NELL1: variants seen among roughly 807,000 people sequenced by gnomAD.
NELL1 encodes the protein neural EGFL like 1.
In NELL1, 76 loss-of-function variants were observed where a neutral mutation model predicts 107.4. That is an observed-to-expected ratio of 0.71 (90% CI 0.59 to 0.86). The LOEUF (loss-of-function observed/expected upper bound fraction) is 0.86, where lower values mean the gene tolerates loss of function less well. Ranked by LOEUF, NELL1 falls within the 40% of genes least tolerant of loss-of-function variation. The pLI, the probability that NELL1 is intolerant of heterozygous loss-of-function variation, is 0.00. For synonymous variants in NELL1, 353 were observed against 341.2 expected, an observed-to-expected ratio of 1.03 and a Z score of -0.38; for missense variants, 1,024 against 1,005.5, an observed-to-expected ratio of 1.02 and a Z score of -0.25.
At chr11:21,548,833 C>G (rs562993701) in intron 16 of NELL1, among the ~76,000 whole-genome samples, 33 of 151,156 alleles carry the variant, frequency 2.2e-4, no homozygotes, top group African/African-American at 7.5e-4. Context: ...GTGGCTGGCC[C>G]AGGGCAAGTT....
intron 12 of NELL1, among the ~76,000 whole-genome samples, chr11:20,978,098 A>G (rs891290433): frequency 6.6e-6 from 1 of 152,222 alleles, no homozygotes; most frequent in Non-Finnish European, 1.5e-5. Flanking sequence ...CTTTGATTCT[A>G]CAATCCTAGT....
intron 2 of NELL1, among the ~76,000 whole-genome samples, chr11:20,699,710 A>G (rs1390542887): frequency 2.0e-5 from 3 of 152,064 alleles, no homozygotes; most frequent in African/African-American, 4.8e-5. Flanking sequence ...CTGGCTCCAT[A>G]TTTTTGCAAT....
In NELL1 at chr11:20,794,358, C is replaced by G. The variant is rs540314342; in HGVS notation, c.335+10528C>G. On this transcript the variant is annotated intron_variant, in intron 3 of 19. Transcript: ENST00000357134. ...AATAGGGGTTTCTCCAGGTAATAATCTCAAGCACATAGTATGCACTCAATA... is the reference window on the plus strand; with the variant it reads ...AATAGGGGTTTCTCCAGGTAATAATGTCAAGCACATAGTATGCACTCAATA... 3.9e-5 allele frequency among the ~76,000 whole-genome samples: 6 copies of G among 152,306 alleles called. No homozygotes were observed. The East Asian group carries it at 1.2e-3, about 29-fold the overall frequency.
intron 12 of NELL1, among the ~76,000 whole-genome samples, chr11:21,013,792 G>A (rs945499217): frequency 6.6e-6 from 1 of 151,976 alleles, no homozygotes; most frequent in Non-Finnish European, 1.5e-5. Flanking sequence ...TTTGCCTATT[G>A]TCCTTTATCT....
At chr11:20,672,356 C>T (rs1853935312) in intron 1 of NELL1, among the ~76,000 whole-genome samples, 1 of 152,188 alleles carries the variant, frequency 6.6e-6, no homozygotes, top group South Asian at 2.1e-4. Flanking sequence ...ACATGTGGTT[C>T]ACTTAGTGAG....
intron 13 of NELL1, among the ~76,000 whole-genome samples, chr11:21,180,101 C>T (rs1335610779): frequency 1.3e-5 from 2 of 151,246 alleles, no homozygotes; most frequent in Admixed American, 6.6e-5. Flanking sequence ...GGATTTGCCC[C>T]CCATGCCATA....
intron 13 of NELL1, among the ~76,000 whole-genome samples, chr11:21,206,134 A>C (rs900126907): frequency 3.9e-5 from 6 of 152,140 alleles, no homozygotes; most frequent in Admixed American, 3.9e-4. Context: ...TTCTCTGACA[A>C]TTTTGGAGAT....
chr11:21,071,030 A>G (rs1450181429), intron 12 of NELL1, among the ~76,000 whole-genome samples: 1 of 152,170 alleles, frequency 6.6e-6, no homozygotes, highest in East Asian at 1.9e-4. Context: ...CCTACTTCAT[A>G]TAGTCCAGGT....
intron 11 of NELL1, among the ~76,000 whole-genome samples, chr11:20,960,162 A>C (rs1851261131): frequency 6.6e-6 from 1 of 152,128 alleles, no homozygotes; most frequent in African/African-American, 2.4e-5. Flanking sequence ...ATGTAGTGAG[A>C]AGAGGATGCA....
At chr11:20,724,495 C>T (rs1855464839) in intron 2 of NELL1, among the ~76,000 whole-genome samples, 1 of 152,156 alleles carries the variant, frequency 6.6e-6, no homozygotes, top group Non-Finnish European at 1.5e-5. Context: ...AGCTGAAAGT[C>T]CCATAGATTC....
chr11:20,814,692 A>G (rs756838193), intron 3 of NELL1, among the ~76,000 whole-genome samples: 15 of 152,122 alleles, frequency 9.9e-5, no homozygotes, highest in Non-Finnish European at 2.1e-4. Context: ...TTCTTTATCC[A>G]GTCCACTGTT....
chr11:20,960,498 A>C lies in NELL1; in HGVS notation c.1238A>C (p.Lys413Thr). The change falls in exon 12 of 20, where the codon AAA (lysine) becomes ACA (threonine). Residue 413 changes from lysine to threonine, a missense_variant. Physicochemically the swap from Lys to Thr is moderately conservative, Grantham distance 78. Transcript: ENST00000357134. ...TCAGAGTGCAAAAACTGGAATACAA[A>C]AGCTACTTGTGAGTGCAAGAGTGGT... ...ENSECKNWNTKATCECKSGYI... is the reference protein window; with the variant it reads ...ENSECKNWNTTATCECKSGYI... 6.2e-7 allele frequency: 1 copy of C among 1,614,016 alleles called. No homozygotes were observed. The highest frequency in any genetic ancestry group is 2.2e-5 in the East Asian group (1 of 44,870).
At chr11:21,563,900 G>A (rs1214159979) in intron 17 of NELL1, among the ~76,000 whole-genome samples, 1 of 152,016 alleles carries the variant, frequency 6.6e-6, no homozygotes, top group African/African-American at 2.4e-5. Context: ...TCCCAAACAA[G>A]AGGGAACTGT....
rs76151433 is a variant in NELL1 at position 21,509,738 on chromosome 11, C to T, written c.1646-24636C>T. ...ATGTCATCAGATAGACATGAAAAGA[C>T]GTCTTTGATTACTTAGTAATTATTT... On this transcript the variant is annotated intron_variant, in intron 15 of 19. Coordinates refer to ENST00000357134, the MANE Select transcript of NELL1 (RefSeq NM_006157.5). Among the ~76,000 whole-genome samples, 2,120 of 152,000 alleles carry T rather than the reference C, an allele frequency of 0.014. 143 individuals carry two copies. In the East Asian group the frequency reaches 0.23, roughly 16 times the overall value.
chr11:21,251,125 T>C (rs1858626897), intron 14 of NELL1, among the ~76,000 whole-genome samples: 1 of 152,194 alleles, frequency 6.6e-6, no homozygotes, highest in African/African-American at 2.4e-5. Context: ...TTTTGAGATA[T>C]ACTGAGACTT....
chr11:21,433,995 T>C (rs755223194), intron 15 of NELL1, among the ~76,000 whole-genome samples: 3 of 152,210 alleles, frequency 2.0e-5, no homozygotes, highest in Admixed American at 6.5e-5. Context: ...ATGTCTTATT[T>C]TGAAACATGT....
At chr11:20,941,071 G>A (rs185927875) in intron 10 of NELL1, among the ~76,000 whole-genome samples, 10 of 152,184 alleles carry the variant, frequency 6.6e-5, no homozygotes, top group South Asian at 6.2e-4. Flanking sequence ...CCCGGGAGGC[G>A]GAGGTTGCAG....
intron 4 of NELL1, among the ~76,000 whole-genome samples, chr11:20,854,685 T>A (rs1449603013): frequency 1.5e-5 from 2 of 130,120 alleles, no homozygotes; most frequent in Non-Finnish European, 3.2e-5. Flanking sequence ...TCCTGAGTTC[T>A]CTGCCTCAGA....
chr11:21,108,011 G>A (rs908382446), intron 12 of NELL1, among the ~76,000 whole-genome samples: 5 of 152,142 alleles, frequency 3.3e-5, no homozygotes, highest in African/African-American at 9.7e-5. Context: ...CGTAGTATCC[G>A]ATGTCAATCC....
Sources: gnomAD v4.1 joint callset for allele counts (sites outside exome capture counted in the v4.1 genomes callset) on GRCh38, gnomAD v4.1.1 for gene constraint, MANE v1.5 for transcripts, NCBI Gene and HGNC (gene_info 2026-07-23, HGNC 2026-07-21) for gene names.